ZWINT: variants seen among roughly 807,000 people sequenced by gnomAD.
The protein encoded by ZWINT is outer kinetochore KNL1 complex subunit ZWINT.
ZWINT carries 41 observed loss-of-function variants against 41.5 expected under a neutral mutation model. The ratio of observed to expected loss-of-function variants is 0.99; its 90% CI spans 0.77 to 1.28. The LOEUF (loss-of-function observed/expected upper bound fraction) is 1.28, where lower values mean the gene tolerates loss of function less well. Ranked by LOEUF, ZWINT falls within the 50% of genes most tolerant of loss-of-function variation. The probability of loss-of-function intolerance (pLI) is 0.00; values close to 1 mark genes in which losing one functional copy is unlikely to be tolerated. For missense variants in ZWINT, 369 were observed against 329.7 expected (o/e 1.12, Z -0.92); for synonymous variants, 132 against 126.8 (o/e 1.04, Z -0.28).
At position 56,358,042 on chromosome 10, in the gene ZWINT, G is replaced by A. The variant is rs1337694681; in HGVS notation, c.*185C>T. 1 of 557,310 alleles carries A rather than the reference G, an allele frequency of 1.8e-6. No homozygotes were observed. The highest frequency in any genetic ancestry group is 3.6e-6 in the Non-Finnish European group (1 of 276,284). 34.5% of individuals were successfully genotyped at this position (557,310 alleles called of 1,614,324 possible). A position where few individuals can be genotyped will look rare whatever the true frequency, so the allele number is the denominator to read the frequency against. ...GTTGTTCCTGCCAGCATATGAAGAT[G>A]AACAAATACACAACTGAGAGAGATC... is the stretch of plus-strand genomic sequence containing the variant. On this transcript the variant is annotated 3_prime_UTR_variant, in exon 9 of 9. Transcript: ENST00000373944.
rs571869646 is a variant in ZWINT, at chr10:56,361,203, C to T, written c.34G>A (p.Ala12Thr). The T allele has an allele frequency of 9.1e-5, 147 of 1,613,266 alleles. No individual in the cohort carries two copies. The South Asian group carries it at 1.5e-3, about 16-fold the overall frequency. The change falls in exon 1 of 9, where the codon GCC becomes ACC. Residue 12 changes from alanine (A) to threonine (T), a missense_variant. Coordinates refer to ENST00000373944, the MANE Select transcript of ZWINT (RefSeq NM_007057.4). ...TTAGCCGCAAACACTTACTCTAGGGCTGCAGCTTCCGCCTCTGTCTCCGCT... is the reference window on the plus strand; with the variant it reads ...TTAGCCGCAAACACTTACTCTAGGGTTGCAGCTTCCGCCTCTGTCTCCGCT... The part of the protein sequence containing the change: ...EAAETEAEAA[A>T]LEVLAEVAGI...
At position 56,357,475 on chromosome 10, in the gene ZWINT, T is replaced by TA. The variant is rs1838193076; in HGVS notation, c.*751dup. 2.0e-5 allele frequency: 3 copies of TA among 152,150 alleles called. No individual in the cohort carries two copies. Among genetic ancestry groups the TA allele is most frequent in the Admixed American group, 2.0e-4 (3 of 15,280 alleles). 9.4% of individuals were successfully genotyped at this position (152,150 alleles called of 1,614,324 possible). The stretch of plus-strand genomic sequence containing the variant: ...TTAAATATTTATTTGAGAAAACAAA[T>TA]AAAGATCCAAATACGTGAGTTGATC... On this transcript the variant is annotated 3_prime_UTR_variant, in exon 9 of 9. Transcript: ENST00000373944.
chr10:56,361,142 C>G, intron 1 of ZWINT, 54 bp downstream of exon 1: 1 of 1,605,666 alleles, frequency 6.2e-7, no homozygotes, highest in African/African-American at 1.3e-5. Context: ...ACATAGGGGC[C>G]CACAAGGTCC....
chr10:56,358,615 G>C lies in ZWINT; in HGVS notation c.733C>G (p.Arg245Gly). The change falls in exon 7 of 9, where the codon CGA becomes GGA. Residue 245 changes from arginine to glycine, a missense_variant. Physicochemically the swap from Arg to Gly is moderately radical, Grantham distance 125. Transcript: ENST00000373944. ...LPDDKPQQPT[R>G]PQEQSTGDTM... ...TCTCCTGTACTCTGCTCCTGGGGTC[G>C]AGTCGGCTGCTGGGGTTTATCATCT... is the stretch of plus-strand genomic sequence containing the variant. The C allele has an allele frequency of 6.2e-7, 1 of 1,614,070 alleles. No individual in the cohort carries two copies.
chr10:56,361,162 C>T lies in ZWINT; in HGVS notation c.41+34G>A, dbSNP rs1838325270. ...GGGGCCCACAAGGTCCTCCCAGGCC[C>T]GGCCCCAGCTGCCACTTAGCCGCAA... On this transcript the variant is annotated intron_variant, in intron 1 of 8. Coordinates refer to ENST00000373944, the MANE Select transcript of ZWINT (RefSeq NM_007057.4). The T allele has an allele frequency of 3.7e-6, 6 of 1,612,088 alleles. No homozygotes were observed. In the East Asian group the frequency reaches 1.1e-4, roughly 30 times the overall value.
chr10:56,359,451 T>C, intron 5 of ZWINT, 25 bp downstream of exon 5: 3 of 1,512,382 alleles, frequency 2.0e-6, no homozygotes, highest in Non-Finnish European at 2.7e-6. Context: ...TGGGAAGGGA[T>C]ATTCTCCTAG....
chr10:56,359,517 C>G lies in ZWINT; in HGVS notation c.439G>C (p.Glu147Gln). The change falls in exon 5 of 9, where the codon GAG becomes CAG. Residue 147 changes from glutamate to glutamine, a missense_variant. Physicochemically the swap from Glu to Gln is conservative, Grantham distance 29. Coordinates refer to ENST00000373944, the MANE Select transcript of ZWINT (RefSeq NM_007057.4). ...TGGTTCTGGACTGCTCTGCGTTTCT[C>G]CATGGCCATTTGTTTCTACAGATAA... ...QLQAKKQMAMEKRRAVQNQWQ... is the reference protein window; with the variant it reads ...QLQAKKQMAMQKRRAVQNQWQ... 6.4e-7 allele frequency: 1 copy of G among 1,554,498 alleles called. No homozygotes were observed. Among genetic ancestry groups the G allele is most frequent in the Non-Finnish European group, 8.7e-7 (1 of 1,154,474 alleles).
In ZWINT at chr10:56,359,761, C is replaced by G. The variant is rs1489345612; in HGVS notation, c.349G>C (p.Ala117Pro). 1.9e-6 allele frequency: 3 copies of G among 1,614,028 alleles called. No homozygotes were observed. The highest frequency in any genetic ancestry group is 2.5e-6 in the Non-Finnish European group (3 of 1,180,044). Residue 117 changes from alanine (A) to proline (P), a missense_variant, in exon 4 of 9, where the codon GCC becomes CCC. By Grantham distance (27) the Ala-to-Pro change is conservative (BLOSUM62 -1). Transcript: ENST00000373944. Reference sequence around the variant, plus strand: ...TGGGCTTCCTCCATCTGAGTCAGGGCCTTGGTGAGGCCAATTTTGATGGCC... The same window carrying G: ...TGGGCTTCCTCCATCTGAGTCAGGGGCTTGGTGAGGCCAATTTTGATGGCC... The part of the protein sequence containing the change: ...VEAIKIGLTK[A>P]LTQMEEAQRK...
Position 56,358,829 on chromosome 10 carries a change from T to C in ZWINT, c.599A>G (p.Glu200Gly). The C allele has an allele frequency of 3.1e-6, 5 of 1,614,106 alleles. No homozygotes were observed. Among genetic ancestry groups the C allele is most frequent in the Non-Finnish European group, 4.2e-6 (5 of 1,180,032 alleles). Residue 200 changes from glutamate to glycine, a missense_variant, in exon 6 of 9, where the codon GAA becomes GGA. By Grantham distance (98) the Glu-to-Gly change is moderately conservative. Transcript: ENST00000373944. ...CCTCTGCAGCTTGTCCCGCTCCTGT[T>C]CTGCCTGCTGCTTCAGGTTTCCAAG... ...QKLGNLKQQA[E>G]QERDKLQRYQ...
At chr10:56,360,455 A>T in intron 1 of ZWINT, 72 bp from the exon 2 acceptor site, 3 of 1,277,562 alleles carry the variant, frequency 2.3e-6, no homozygotes, top group Non-Finnish European at 3.3e-6. Context: ...GTGTGTACAC[A>T]AACAAATGTG....
Position 56,361,250 on chromosome 10 carries a change from G to T in ZWINT, c.-14C>A, listed in dbSNP as rs762388883. ...CGCTGCCTCCATCTTTCCAGGCGCC[G>T]AGTTCAGCTGCCTTCCCACAATCCC... is the stretch of plus-strand genomic sequence containing the variant. On this transcript the variant is annotated 5_prime_UTR_variant, in exon 1 of 9. Coordinates refer to ENST00000373944, the MANE Select transcript of ZWINT (RefSeq NM_007057.4). 2.5e-6 allele frequency: 4 copies of T among 1,608,986 alleles called. No homozygotes were observed. In the South Asian group the frequency reaches 4.4e-5, roughly 18 times the overall value.
At chr10:56,359,660 C>T (rs1212007973) in intron 4 of ZWINT, 27 bp downstream of exon 4, 1 of 1,613,912 alleles carries the variant, frequency 6.2e-7, no homozygotes, top group South Asian at 1.1e-5. Context: ...GCCCTTCCCT[C>T]CCTGTACTCA....
rs1193478488 is a variant in ZWINT at position 56,358,407 on chromosome 10, C to T, written c.*11G>A. On this transcript the variant is annotated 3_prime_UTR_variant, in exon 8 of 9. Coordinates refer to ENST00000373944, the MANE Select transcript of ZWINT (RefSeq NM_007057.4). ...CTAGGATCTTTCTCCATGCTGCTGT[C>T]CTCCAGGAAGTCATGGCAAATTTAC... is the stretch of plus-strand genomic sequence containing the variant. 1.9e-6 allele frequency: 3 copies of T among 1,614,088 alleles called. No homozygotes were observed. Among genetic ancestry groups the T allele is most frequent in the African/African-American group, 1.3e-5 (1 of 75,020 alleles).
Position 56,360,006 on chromosome 10 carries a change from C to T in ZWINT, c.256+12G>A. ...TCAGGTCAGCTGCTACTACAATCCC[C>T]TGCCTACTCACGGCTCGTGTCTTCA... On this transcript the variant is annotated intron_variant, in intron 3 of 8. Coordinates refer to ENST00000373944, the MANE Select transcript of ZWINT (RefSeq NM_007057.4). 6.2e-7 allele frequency: 1 copy of T among 1,613,852 alleles called. No individual in the cohort carries two copies. Among genetic ancestry groups the T allele is most frequent in the East Asian group, 2.2e-5 (1 of 44,864 alleles).
At chr10:56,359,398 G>T (rs1838260927) in intron 5 of ZWINT, 78 bp downstream of exon 5, 7 of 1,388,550 alleles carry the variant, frequency 5.0e-6, no homozygotes, top group Non-Finnish European at 6.8e-6. Context: ...GAAGCAAAAC[G>T]GTTTTCTAGA....
Position 56,361,064 on chromosome 10 carries a change from G to A in ZWINT, c.41+132C>T, listed in dbSNP as rs114075513. The A allele has an allele frequency of 4.4e-4, 424 of 966,468 alleles. 1 individual carries two copies. The African/African-American group carries it at 5.4e-3, about 12-fold the overall frequency. 59.9% of individuals were successfully genotyped at this position (966,468 alleles called of 1,614,324 possible). ...CCTCAGGAACCTAAGACGGGACTGC[G>A]GTGAGGATCACTTCACGGCAGGGTC... On this transcript the variant is annotated intron_variant, in intron 1 of 8. Coordinates refer to ENST00000373944, the MANE Select transcript of ZWINT (RefSeq NM_007057.4).
rs1313956007 is a variant in ZWINT at position 56,359,806 on chromosome 10, T to A, written c.304A>T (p.Thr102Ser). ...AKEQWKELKATYREHVEAIKI... is the reference protein window; with the variant it reads ...AKEQWKELKASYREHVEAIKI... ...ATGGCCTCTACGTGCTCCCTGTAGG[T>A]GGCCTTCAGCTCTTTCCATTGTTCC... The change falls in exon 4 of 9, where the codon ACC becomes TCC. Residue 102 changes from threonine to serine, a missense_variant. By Grantham distance (58) the Thr-to-Ser change is moderately conservative. Coordinates refer to ENST00000373944, the MANE Select transcript of ZWINT (RefSeq NM_007057.4). The A allele has an allele frequency of 1.9e-6, 3 of 1,613,994 alleles. No homozygotes were observed.
chr10:56,358,395 C>G lies in ZWINT; in HGVS notation c.*23G>C. On this transcript the variant is annotated 3_prime_UTR_variant, in exon 8 of 9. Coordinates refer to ENST00000373944, the MANE Select transcript of ZWINT (RefSeq NM_007057.4). ...GTCTGACCTTTTCTAGGATCTTTCT[C>G]CATGCTGCTGTCCTCCAGGAAGTCA... 1 of 1,614,108 alleles carries G rather than the reference C, an allele frequency of 6.2e-7. No individual in the cohort carries two copies. Among genetic ancestry groups the G allele is most frequent in the Admixed American group, 1.7e-5 (1 of 60,016 alleles).
At chr10:56,360,685 G>C (rs1018942263) in intron 1 of ZWINT, among the ~76,000 whole-genome samples, 2 of 152,198 alleles carry the variant, frequency 1.3e-5, no homozygotes, top group Admixed American at 1.3e-4. Flanking sequence ...GAAATCATTT[G>C]AGTCAAGATG....
Sources: gnomAD v4.1 joint callset for allele counts (sites outside exome capture counted in the v4.1 genomes callset) on GRCh38, gnomAD v4.1.1 for gene constraint, MANE v1.5 for transcripts, NCBI Gene and HGNC (gene_info 2026-07-23, HGNC 2026-07-21) for gene names.